Variants in LAMC1 observed in about 807,000 individuals in gnomAD.
The protein encoded by LAMC1 is laminin subunit gamma 1.
LAMC1 carries 38 observed loss-of-function variants against 173.6 expected under a neutral mutation model. The observed-to-expected ratio is 0.22, with a 90% CI of 0.17 to 0.29. The LOEUF is 0.29. Among genes scored for constraint, LAMC1 ranks in the 10% least tolerant of loss-of-function variants. LAMC1 has a pLI of 1.00. For synonymous variants in LAMC1, 746 were observed against 749.1 expected (o/e 1.00, Z 0.07); for missense variants, 1,824 against 2,051.8 (o/e 0.89, Z 2.14).
At chr1:183,130,272 C>A (rs1656745126) in intron 18 of LAMC1, 72 bp from the exon 19 acceptor site, 2 of 1,297,876 alleles carry the variant, frequency 1.5e-6, no homozygotes, top group African/African-American at 2.9e-5. Context: ...ATACATAGGG[C>A]CTCAGATTTC....
At chr1:183,055,009 A>G (rs1277376866) in intron 1 of LAMC1, among the ~76,000 whole-genome samples, 6 of 135,862 alleles carry the variant, frequency 4.4e-5, no homozygotes, top group African/African-American at 1.6e-4. Context: ...TTTTTTTGAG[A>G]TGGAGTTTCG....
intron 22 of LAMC1, 121 bp from the exon 23 acceptor site, chr1:183,134,539 G>A: frequency 1.4e-6 from 1 of 710,846 alleles, no homozygotes; most frequent in Non-Finnish European, 2.2e-6. Context: ...ATAAAATCTT[G>A]ATCTGTGCAG....
chr1:183,026,144 T>G (rs796938008), intron 1 of LAMC1, among the ~76,000 whole-genome samples: 8 of 152,366 alleles, frequency 5.3e-5, no homozygotes, highest in African/African-American at 1.9e-4. Context: ...TTTCCTCAAC[T>G]TTTGGTAATA....
chr1:183,099,932 C>T (rs932217432), intron 1 of LAMC1, among the ~76,000 whole-genome samples: 5 of 152,156 alleles, frequency 3.3e-5, no homozygotes, highest in Admixed American at 6.5e-5. Flanking sequence ...GTCCTGCCCA[C>T]GCTTCTCTGT....
At chr1:183,082,976 G>A (rs1655325795) in intron 1 of LAMC1, among the ~76,000 whole-genome samples, 1 of 152,196 alleles carries the variant, frequency 6.6e-6, no homozygotes. Flanking sequence ...CATAGCTTGT[G>A]TGAAGTTAGT....
At chr1:183,120,671 CA>C (rs777857394) in intron 11 of LAMC1, among the ~76,000 whole-genome samples, 1 of 152,184 alleles carries the variant, frequency 6.6e-6, no homozygotes, top group African/African-American at 2.4e-5. Flanking sequence ...ATGCTTGTAT[CA>C]GGGGCACCAC....
At chr1:183,074,272 T>A (rs1031332436) in intron 1 of LAMC1, among the ~76,000 whole-genome samples, 15 of 152,216 alleles carry the variant, frequency 9.9e-5, no homozygotes, top group Admixed American at 2.6e-4. Flanking sequence ...CACTTTTTAT[T>A]CTCTTGAGTT....
At chr1:183,033,583 G>A (rs1016688473) in intron 1 of LAMC1, among the ~76,000 whole-genome samples, 6 of 152,112 alleles carry the variant, frequency 3.9e-5, no homozygotes, top group African/African-American at 9.7e-5. Context: ...TTAAATAATG[G>A]GAAGACCCCA....
At chr1:183,037,884 A>T (rs1024034926) in intron 1 of LAMC1, among the ~76,000 whole-genome samples, 1 of 151,784 alleles carries the variant, frequency 6.6e-6, no homozygotes, top group Admixed American at 6.6e-5. Context: ...TTTCTCCCTC[A>T]TGCCCTATCC....
At chr1:183,027,294 T>TAAG (rs538549796) in intron 1 of LAMC1, among the ~76,000 whole-genome samples, 6 of 152,194 alleles carry the variant, frequency 3.9e-5, no homozygotes, top group African/African-American at 1.4e-4. Flanking sequence ...GCCACTTTTC[T>TAAG]AAGAAGAAGT....
intron 1 of LAMC1, among the ~76,000 whole-genome samples, chr1:183,052,169 A>G (rs189645017): frequency 9.2e-5 from 14 of 152,156 alleles, no homozygotes; most frequent in African/African-American, 3.4e-4. Context: ...GTTTTGTTGC[A>G]TGTGTTGGCT....
At position 183,116,887 on chromosome 1, in the gene LAMC1, C is replaced by G. The variant is rs1656338734; in HGVS notation, c.1548C>G (p.Ser516=). Residue 516 remains serine, a synonymous_variant, in exon 8 of 28, where the codon TCC becomes TCG. Transcript: ENST00000258341. ...TTGGCTACAGTGTTTATTCTATCTC[C>G]TCTACCTTTCAGATTGGTAATTTAG... ...NAVGYSVYSI[S]STFQIDEDGW... is the part of the protein sequence containing the mutation. 4 of 1,613,830 alleles carry G rather than the reference C, an allele frequency of 2.5e-6. No homozygotes were observed. Among genetic ancestry groups the G allele is most frequent in the Non-Finnish European group, 2.5e-6 (3 of 1,179,832 alleles).
At chr1:183,044,514 G>T (rs1298695479) in intron 1 of LAMC1, among the ~76,000 whole-genome samples, 2 of 152,040 alleles carry the variant, frequency 1.3e-5, no homozygotes, top group Admixed American at 1.3e-4. Flanking sequence ...ATATTCTTTG[G>T]CTCTTTTGAT....
chr1:183,045,979 C>T (rs1201616978), intron 1 of LAMC1, among the ~76,000 whole-genome samples: 1 of 152,036 alleles, frequency 6.6e-6, no homozygotes, highest in East Asian at 1.9e-4. Flanking sequence ...TAGAATTCTT[C>T]ATATATTCTT....
At chr1:183,138,274 C>T (rs1657004088) in intron 26 of LAMC1, 2 of 766,134 alleles carry the variant, frequency 2.6e-6, no homozygotes, top group Non-Finnish European at 3.2e-6. Flanking sequence ...ACATATGAAA[C>T]TTACATCTAG....
chr1:183,030,214 G>A (rs1287488770), intron 1 of LAMC1, among the ~76,000 whole-genome samples: 1 of 152,140 alleles, frequency 6.6e-6, no homozygotes, highest in African/African-American at 2.4e-5. Flanking sequence ...GAGTAATAGC[G>A]ACAGACTCCA....
intron 1 of LAMC1, among the ~76,000 whole-genome samples, chr1:183,077,608 TGCATCCTCATA>T (rs1289785348): frequency 1.3e-5 from 2 of 151,770 alleles, no homozygotes; most frequent in Non-Finnish European, 2.9e-5. Context: ...CTTAGGCTTT[TGCATCCTCATA>T]GCTTAGCTCC....
In LAMC1 at chr1:183,079,232, G is replaced by GTTTTTTTT. The variant is rs796732672; in HGVS notation, c.419-24063_419-24056dup. ...AAGCAACTTTCTGATCTCTAATCTG[G>GTTTTTTTT]TTTTTTTTTTTTTTTTTTTTTTTTT... On this transcript the variant is annotated intron_variant, in intron 1 of 27. Transcript: ENST00000258341. 1.3e-4 allele frequency among the ~76,000 whole-genome samples: 8 copies of GTTTTTTTT among 62,840 alleles called. 2 individuals are homozygous for GTTTTTTTT. Among genetic ancestry groups the GTTTTTTTT allele is most frequent in the Non-Finnish European group, 2.4e-4 (8 of 32,824 alleles). The allele number at this position is 62,840 out of a possible 152,430, so 41.2% of individuals were successfully genotyped here.
chr1:183,024,201 C>G, intron 1 of LAMC1, 67 bp downstream of exon 1: 1 of 1,446,454 alleles, frequency 6.9e-7, no homozygotes, highest in Non-Finnish European at 9.2e-7. Flanking sequence ...CCGGCTCCGT[C>G]CCAGTGGCCG....
Sources: allele counts gnomAD v4.1 joint callset (sites outside exome capture counted in the v4.1 genomes callset), GRCh38; gene constraint gnomAD v4.1.1; transcripts MANE v1.5; gene names NCBI Gene and HGNC (gene_info 2026-07-23, HGNC 2026-07-21).